SAA2: variants seen among roughly 807,000 people sequenced by gnomAD.
SAA2 encodes the protein serum amyloid A-2 protein.
In SAA2, 5 loss-of-function variants were observed where a neutral mutation model predicts 9.1. The observed-to-expected ratio is 0.55, with a 90% confidence interval of 0.29 to 1.16. SAA2 has a LOEUF of 1.16. SAA2 is among the 50% of genes most tolerant of loss of function. The pLI is 0.09. For synonymous variants in SAA2, 49 were observed against 59.8 expected, an observed-to-expected ratio of 0.82 and a Z score of 0.83; for missense variants, 94 against 153.8, an observed-to-expected ratio of 0.61 and a Z score of 2.06.
At chr11:18,245,162 C>T (rs1363896248), downstream of SAA2, 3 of 1,076,676 alleles carry the variant, frequency 2.8e-6, no homozygotes, top group East Asian at 8.0e-5. Context: ...GCTCACCCTT[C>T]ATGTGGGTGT....
chr11:18,243,244 A>G (rs966733488), downstream of SAA2, among the ~76,000 whole-genome samples: 14 of 152,296 alleles, frequency 9.2e-5, no homozygotes, highest in African/African-American at 3.1e-4. Context: ...ATTTCTAGTA[A>G]TAATATGTTG....
chr11:18,239,563 T>C, exon 4 of SAA2: 1 of 399,912 alleles, frequency 2.5e-6, no homozygotes, highest in Non-Finnish European at 4.4e-6. Flanking sequence ...CACGAGATAG[T>C]CAATGACTCC....
downstream of SAA2, chr11:18,240,323 C>G (rs1857310914): frequency 1.4e-6 from 1 of 702,186 alleles, no homozygotes; most frequent in Non-Finnish European, 2.6e-6. Flanking sequence ...AGGTGGAAGG[C>G]TATTGTTTTC....
chr11:18,240,355 A>G (rs1389409162), downstream of SAA2: 4 of 699,282 alleles, frequency 5.7e-6, no homozygotes, highest in Non-Finnish European at 1.0e-5. Context: ...ATGCAGCCAT[A>G]AGGCAGATAA....
downstream of SAA2, among the ~76,000 whole-genome samples, chr11:18,243,406 G>A (rs1857405989): frequency 6.6e-6 from 1 of 152,040 alleles, no homozygotes; most frequent in Non-Finnish European, 1.5e-5. Flanking sequence ...CTAATTGTAA[G>A]CATTTACAAT....
chr11:18,243,763 A>G (rs1473897335), downstream of SAA2, among the ~76,000 whole-genome samples: 1 of 152,194 alleles, frequency 6.6e-6, no homozygotes, highest in African/African-American at 2.4e-5. Context: ...TAATTTTATA[A>G]CTAGTCTTCT....
downstream of SAA2, chr11:18,245,099 C>G: frequency 3.7e-6 from 2 of 538,716 alleles, no homozygotes; most frequent in Non-Finnish European, 6.3e-6. Context: ...CAGGTGTCTG[C>G]ACTGTGACTA....
chr11:18,245,952 G>C lies in SAA2; in HGVS notation c.188C>G (p.Ala63Gly), dbSNP rs775562403. The C allele has an allele frequency of 6.2e-7, 1 of 1,613,950 alleles. No homozygotes were observed. Among genetic ancestry groups the C allele is most frequent in the Admixed American group, 1.7e-5 (1 of 59,986 alleles). ...YFHARGNYDAAKRGPGGAWAA... is the reference protein window; with the variant it reads ...YFHARGNYDAGKRGPGGAWAA... ...CCAGGCACCCCCAGGTCCCCTTTTGGCAGCATCATAGTTCCCCCGAGCATG... is the reference window on the plus strand; with the variant it reads ...CCAGGCACCCCCAGGTCCCCTTTTGCCAGCATCATAGTTCCCCCGAGCATG... The change falls in exon 3 of 4, where the codon GCC becomes GGC. Residue 63 changes from alanine (A) to glycine (G), a missense_variant. By Grantham distance (60) the Ala-to-Gly change is moderately conservative. Coordinates refer to ENST00000256733, the MANE Select transcript of SAA2 (RefSeq NM_030754.5).
Position 18,245,516 on chromosome 11 carries a change from C to T in SAA2, c.231-1G>A. The T allele has an allele frequency of 1.2e-6, 2 of 1,614,010 alleles. No individual in the cohort carries two copies. The highest frequency in any genetic ancestry group is 1.7e-4 in the Middle Eastern group (1 of 6,056). On this transcript the variant is annotated splice_acceptor_variant, in intron 3 of 3. Transcript: ENST00000256733. LOFTEE classifies it high-confidence loss of function. ...TCTCTGGATATTCTCTCTGGCATTG[C>T]TGTAGTCCAGGCAGGCAAGAAGGAG...
Position 18,245,270 on chromosome 11 carries a change from A to G in SAA2, c.*107T>C. The G allele has an allele frequency of 1.9e-6, 3 of 1,541,068 alleles. No homozygotes were observed. Among genetic ancestry groups the G allele is most frequent in the Non-Finnish European group, 1.7e-6 (2 of 1,143,332 alleles). ...CCTCTTAAGCATTTATTAGATGCCT[A>G]TTATATGCCATATCTCAGCTTCTCT... On this transcript the variant is annotated 3_prime_UTR_variant, in exon 4 of 4. Transcript: ENST00000256733.
At chr11:18,244,676 A>G (rs1857448140), downstream of SAA2, among the ~76,000 whole-genome samples, 1 of 152,174 alleles carries the variant, frequency 6.6e-6, no homozygotes, top group Non-Finnish European at 1.5e-5. Context: ...CACTTCCACA[A>G]CTTTGATCTA....
chr11:18,247,133 C>A (rs1332478959), intron 2 of SAA2, among the ~76,000 whole-genome samples: 1 of 152,188 alleles, frequency 6.6e-6, no homozygotes, highest in African/African-American at 2.4e-5. Context: ...AGAAGGGATG[C>A]CTGCCTCACA....
intron 3 of SAA2, chr11:18,240,106 G>C (rs1857301778): frequency 8.1e-7 from 1 of 1,227,260 alleles, no homozygotes; most frequent in Non-Finnish European, 1.1e-6. Context: ...TAGGGGAGGA[G>C]AAGATGGGGA....
downstream of SAA2, chr11:18,242,817 A>T: frequency 1.4e-6 from 1 of 701,894 alleles, no homozygotes; most frequent in South Asian, 1.5e-5. Context: ...ATGGCACTTC[A>T]GCCTGGATGA....
downstream of SAA2, chr11:18,239,125 G>GT (rs1438391993): frequency 6.6e-6 from 1 of 152,104 alleles, no homozygotes; most frequent in Non-Finnish European, 1.5e-5. Context: ...TATACAGTAT[G>GT]TTTTCAACAT....
intron 3 of SAA2, 98 bp downstream of exon 3, chr11:18,245,812 G>C: frequency 7.1e-7 from 1 of 1,414,262 alleles, no homozygotes; most frequent in Non-Finnish European, 9.5e-7. Flanking sequence ...AGGGACCACA[G>C]CCTCTAACTT....
chr11:18,238,461 C>T (rs184105096), downstream of SAA2, among the ~76,000 whole-genome samples: 19 of 152,042 alleles, frequency 1.2e-4, no homozygotes, highest in Non-Finnish European at 2.2e-4. Flanking sequence ...AAGAGCTTTC[C>T]CTACTTTGTT....
downstream of SAA2, among the ~76,000 whole-genome samples, chr11:18,241,164 C>T (rs1175308794): frequency 6.6e-6 from 1 of 152,052 alleles, no homozygotes; most frequent in Non-Finnish European, 1.5e-5. Flanking sequence ...AATTTAATCA[C>T]AAATTAAAAC....
In SAA2 at chr11:18,248,333, G is replaced by A. The variant is rs1019689472; in HGVS notation, c.-5+270C>T. ...ATTTACCGTGTGTTCCCTCTGCCCC[G>A]CACAGAACTCAACATGGGATAAACA... On this transcript the variant is annotated intron_variant, in intron 1 of 3. Coordinates refer to ENST00000256733, the MANE Select transcript of SAA2 (RefSeq NM_030754.5). The A allele has an allele frequency of 6.4e-4, 183 of 287,892 alleles. 1 individual carries two copies. Among genetic ancestry groups the A allele is most frequent in the Non-Finnish European group, 9.3e-4 (137 of 147,002 alleles). The allele number at this position is 287,892 out of a possible 1,614,324, so 17.8% of individuals were successfully genotyped here. A position where few individuals can be genotyped will look rare whatever the true frequency, so the allele number is the denominator to read the frequency against.
Sources: gnomAD v4.1 joint callset for allele counts (sites outside exome capture counted in the v4.1 genomes callset) on GRCh38, gnomAD v4.1.1 for gene constraint, MANE v1.5 for transcripts, NCBI Gene and HGNC (gene_info 2026-07-23, HGNC 2026-07-21) for gene names.